Variants in STK11 observed in about 807,000 individuals in gnomAD.
STK11 encodes the protein serine/threonine-protein kinase STK11.
A neutral mutation model predicts 47.3 loss-of-function variants in STK11; 8 were observed. That is an observed-to-expected ratio of 0.17 (90% CI 0.10 to 0.31). STK11 has a LOEUF of 0.31. Ranked by LOEUF, STK11 falls within the 10% of genes least tolerant of loss-of-function variation. The pLI, the probability that STK11 is intolerant of heterozygous loss-of-function variation, is 1.00. For synonymous variants in STK11, 330 were observed against 255.8 expected (o/e 1.29, Z -2.77); for missense variants, 475 against 605.0 (o/e 0.79, Z 2.25).
At chr19:1,222,605 C>T (rs1334309323) in intron 7 of STK11, among the ~76,000 whole-genome samples, 4 of 152,076 alleles carry the variant, frequency 2.6e-5, no homozygotes, top group Admixed American at 1.3e-4. Context: ...CTGCACAGCT[C>T]GGGTCATCTG....
chr19:1,224,738 C>G (rs1168627074), intron 8 of STK11: 1 of 985,672 alleles, frequency 1.0e-6, no homozygotes, highest in African/African-American at 1.7e-5. Flanking sequence ...TTTCATGACC[C>G]TGCTAAGCCC....
At chr19:1,210,734 C>T (rs568105534) in intron 1 of STK11, among the ~76,000 whole-genome samples, 4 of 151,798 alleles carry the variant, frequency 2.6e-5, no homozygotes, top group African/African-American at 7.3e-5. Flanking sequence ...TGGTGGCGCA[C>T]GCCTGTAATC....
At chr19:1,220,199 G>T in intron 3 of STK11, 174 bp from the exon 4 acceptor site, 3 of 817,152 alleles carry the variant, frequency 3.7e-6, no homozygotes, top group Non-Finnish European at 3.6e-6. Flanking sequence ...GGCCACTGCA[G>T]GCGCAGGTGT....
Position 1,227,665 on chromosome 19 carries a change from G to T in STK11, c.*89G>T. On this transcript the variant is annotated 3_prime_UTR_variant, in exon 10 of 10. Transcript: ENST00000326873. ...TCCTGCCGGTTCCGCCCGCCCTCCC[G>T]GAGAGGTGGCCGCCATGCTTCTGTG... is the stretch of plus-strand genomic sequence containing the variant. 9.4e-7 allele frequency: 1 copy of T among 1,068,742 alleles called. No homozygotes were observed. The highest frequency in any genetic ancestry group is 1.1e-6 in the Non-Finnish European group (1 of 881,412). 66.2% of individuals were successfully genotyped at this position (1,068,742 alleles called of 1,614,324 possible). A position where few individuals can be genotyped will look rare whatever the true frequency, so the allele number is the denominator to read the frequency against.
chr19:1,218,533 CCGT>C, intron 2 of STK11, 33 bp downstream of exon 2: 1 of 1,592,958 alleles, frequency 6.3e-7, no homozygotes, highest in Non-Finnish European at 8.6e-7. Context: ...CGCGGGGCCT[CCGT>C]GGGAGGGGCT....
At position 1,221,195 on chromosome 19, in the gene STK11, CCT is replaced by C. The variant is rs775965325; in HGVS notation, c.735-16_735-15del. ...ACCTTGACTGACCACGCCTTTCTTCCCTCCCCTCGAAATGAAGCTACAACATC... is the reference window on the plus strand; with the variant it reads ...ACCTTGACTGACCACGCCTTTCTTCCCCCCTCGAAATGAAGCTACAACATC... On this transcript the variant is annotated splice_polypyrimidine_tract_variant and intron_variant, in intron 5 of 9. Coordinates refer to ENST00000326873, the MANE Select transcript of STK11 (RefSeq NM_000455.5). 12 of 1,610,888 alleles carry C rather than the reference CCT, an allele frequency of 7.4e-6. No individual in the cohort carries two copies. In the Admixed American group the frequency reaches 8.3e-5, roughly 11 times the overall value.
At position 1,226,631 on chromosome 19, in the gene STK11, C is replaced by T. The variant is rs757369900; in HGVS notation, c.1286C>T (p.Ala429Val). ...SASSKIRRLS[A>V]CKQQ ...AGCAGCAAGATCCGCCGGCTGTCGGCCTGCAAGCAGCAGTGAGGCTGGCCG... is the reference window on the plus strand; with the variant it reads ...AGCAGCAAGATCCGCCGGCTGTCGGTCTGCAAGCAGCAGTGAGGCTGGCCG... Residue 429 changes from alanine (A) to valine (V), a missense_variant, in exon 9 of 10, where the codon GCC (alanine) becomes GTC (valine). This residue lies in a region of STK11 where 219 missense variants were observed against 189.2 expected (regional missense o/e 1.16). Transcript: ENST00000326873. 20 of 1,541,228 alleles carry T rather than the reference C, an allele frequency of 1.3e-5. No homozygotes were observed. The South Asian group carries it at 2.1e-4, about 17-fold the overall frequency.
chr19:1,211,529 C>G (rs529524093), intron 1 of STK11, among the ~76,000 whole-genome samples: 11 of 152,140 alleles, frequency 7.2e-5, no homozygotes, highest in African/African-American at 2.4e-4. Flanking sequence ...AGAGTGGGCT[C>G]GAAGGCAGGG....
Position 1,226,681 on chromosome 19 carries a change from C to T in STK11, c.*16+18C>T, listed in dbSNP as rs1057522995. 1 of 1,476,244 alleles carries T rather than the reference C, an allele frequency of 6.8e-7. No individual in the cohort carries two copies. The highest frequency in any genetic ancestry group is 8.9e-7 in the Non-Finnish European group (1 of 1,119,204). 91.4% of individuals were successfully genotyped at this position (1,476,244 alleles called of 1,614,324 possible). A position where few individuals can be genotyped will look rare whatever the true frequency, so the allele number is the denominator to read the frequency against. On this transcript the variant is annotated intron_variant, in intron 9 of 9. Coordinates refer to ENST00000326873, the MANE Select transcript of STK11 (RefSeq NM_000455.5). ...GCCTGCAGGTGGGGCGCGGCGGGGC[C>T]CGGGTGGGGCATGTGGGGACAACGC...
intron 5 of STK11, 148 bp downstream of exon 5, chr19:1,220,865 G>A (rs1377488698): frequency 1.6e-6 from 2 of 1,274,004 alleles, no homozygotes; most frequent in Non-Finnish European, 2.1e-6. Flanking sequence ...TTACTTTATG[G>A]AAATGTAACT....
chr19:1,212,726 A>G (rs964654755), intron 1 of STK11, among the ~76,000 whole-genome samples: 1 of 151,678 alleles, frequency 6.6e-6, no homozygotes, highest in Admixed American at 6.6e-5. Flanking sequence ...TTGTATTTTT[A>G]GTAGAGACGG....
At chr19:1,220,886 A>G (rs577148345) in intron 5 of STK11, among the ~76,000 whole-genome samples, 169 bp downstream of exon 5, 1 of 152,328 alleles carries the variant, frequency 6.6e-6, no homozygotes, top group East Asian at 1.9e-4. Context: ...CATACGGCAG[A>G]TGGTGGTTCA....
chr19:1,211,604 G>C (rs1386674251), intron 1 of STK11, among the ~76,000 whole-genome samples: 1 of 152,244 alleles, frequency 6.6e-6, no homozygotes, highest in Non-Finnish European at 1.5e-5. Context: ...ACAGCCTGGC[G>C]GTGTCCCACG....
At chr19:1,225,772 C>T (rs1162036102) in intron 8 of STK11, 5 of 985,446 alleles carry the variant, frequency 5.1e-6, no homozygotes, top group Non-Finnish European at 6.0e-6. Context: ...CCAGTGTGTT[C>T]GCGGAGTCCT....
chr19:1,212,547 G>T (rs1444170171), intron 1 of STK11, among the ~76,000 whole-genome samples: 1 of 151,514 alleles, frequency 6.6e-6, no homozygotes. Context: ...CCACTGCTTC[G>T]CCACGTTCAC....
chr19:1,206,806 T>C lies in STK11; in HGVS notation c.-108T>C. 1 of 1,373,762 alleles carries C rather than the reference T, an allele frequency of 7.3e-7. No homozygotes were observed. The highest frequency in any genetic ancestry group is 1.5e-5 in the South Asian group (1 of 65,946). The allele number at this position is 1,373,762 out of a possible 1,614,324, so 85.1% of individuals were successfully genotyped here. ...TTGGGGTTTTTGTTGCCTTTTTTTT[T>C]TCTTTTTTCTTTGTAAAATTTTGGA... On this transcript the variant is annotated 5_prime_UTR_variant, in exon 1 of 10. Coordinates refer to ENST00000326873, the MANE Select transcript of STK11 (RefSeq NM_000455.5).
rs2080775231 is a variant in STK11, at chr19:1,220,521, G to C, written c.597+16G>C. On this transcript the variant is annotated intron_variant, in intron 4 of 9. Transcript: ENST00000326873. ...CGTGGCCGAGGTAGGCACGTGCTAG[G>C]GGGGGCCCTGGGGCGCCCCCTCCCG... 1 of 1,590,902 alleles carries C rather than the reference G, an allele frequency of 6.3e-7. No individual in the cohort carries two copies. Among genetic ancestry groups the C allele is most frequent in the Non-Finnish European group, 8.6e-7 (1 of 1,168,222 alleles).
At position 1,206,860 on chromosome 19, in the gene STK11, C is replaced by A. The variant is rs1014355788; in HGVS notation, c.-54C>A. ...GGGAAGTCGGAACACAAGGAAGGAC[C>A]GCTCACCCGCGGACTCAGGGCTGGC... On this transcript the variant is annotated 5_prime_UTR_variant, in exon 1 of 10. Coordinates refer to ENST00000326873, the MANE Select transcript of STK11 (RefSeq NM_000455.5). 6.6e-7 allele frequency: 1 copy of A among 1,522,764 alleles called. No individual in the cohort carries two copies. The highest frequency in any genetic ancestry group is 8.9e-7 in the Non-Finnish European group (1 of 1,127,374). The allele number at this position is 1,522,764 out of a possible 1,614,324, so 94.3% of individuals were successfully genotyped here.
intron 2 of STK11, 114 bp downstream of exon 2, chr19:1,218,614 G>C (rs1329588891): frequency 1.1e-6 from 1 of 930,368 alleles, no homozygotes; most frequent in Non-Finnish European, 1.7e-6. Flanking sequence ...ACTGGCACAC[G>C]AGGGCCGTGG....
Sources: allele counts gnomAD v4.1 joint callset (sites outside exome capture counted in the v4.1 genomes callset), GRCh38; gene constraint gnomAD v4.1.1; regional missense constraint gnomAD v4.1.1; transcripts MANE v1.5; gene names NCBI Gene and HGNC (gene_info 2026-07-23, HGNC 2026-07-21).